FSTL4: variants seen among roughly 807,000 people sequenced by gnomAD.
The protein encoded by FSTL4 is follistatin-related protein 4.
A neutral mutation model predicts 78.2 loss-of-function variants in FSTL4; 28 were observed. The ratio of observed to expected loss-of-function variants is 0.36; its 90% CI spans 0.27 to 0.49. The LOEUF is 0.49. Among genes scored for constraint, FSTL4 ranks in the 20% least tolerant of loss-of-function variants. The pLI is 0.98. For synonymous variants in FSTL4, 422 were observed against 440.5 expected (o/e 0.96, Z 0.53); for missense variants, 922 against 1,084.9 (o/e 0.85, Z 2.11).
chr5:133,315,409 T>A (rs1005657247), intron 5 of FSTL4, among the ~76,000 whole-genome samples: 1 of 152,212 alleles, frequency 6.6e-6, no homozygotes. Context: ...TTATTAATCA[T>A]AGGTCAAGGG....
intron 3 of FSTL4, among the ~76,000 whole-genome samples, chr5:133,561,560 CCT>C (rs1339678101): frequency 6.6e-6 from 1 of 152,070 alleles, no homozygotes; most frequent in Non-Finnish European, 1.5e-5. Flanking sequence ...TGGAAGGCTA[CCT>C]GGAAGAGGCC....
Position 133,210,257 on chromosome 5 carries a change from G to T in FSTL4, c.1650C>A (p.Asp550Glu). 6.2e-7 allele frequency: 1 copy of T among 1,612,338 alleles called. No homozygotes were observed. Among genetic ancestry groups the T allele is most frequent in the Non-Finnish European group, 8.5e-7 (1 of 1,178,564 alleles). The change falls in exon 14 of 16, where the codon GAC (aspartate) becomes GAA (glutamate). Residue 550 changes from aspartate (D) to glutamate (E), a missense_variant. Transcript: ENST00000265342. Reference protein sequence around the residue: ...VDPLPAKLSYDKSHDQVWVLS... With the variant: ...VDPLPAKLSYEKSHDQVWVLS... The stretch of plus-strand genomic sequence containing the variant: ...GGACCCACACTTGGTCATGTGACTT[G>T]TCATAGGACAGCTTAGCCGGCAGAG...
the FSTL4 span, among the ~76,000 whole-genome samples, chr5:133,720,107 A>G: frequency 6.6e-6 from 1 of 152,212 alleles, no homozygotes; most frequent in African/African-American, 2.4e-5. Context: ...AAGAAATATC[A>G]TCTGTTAGAT....
At chr5:133,232,511 T>TA (rs1751521862) in intron 8 of FSTL4, among the ~76,000 whole-genome samples, 1 of 152,162 alleles carries the variant, frequency 6.6e-6, no homozygotes, top group Non-Finnish European at 1.5e-5. Flanking sequence ...TGGCTTGAGT[T>TA]ACACCAACAA....
intron 4 of FSTL4, among the ~76,000 whole-genome samples, chr5:133,334,378 G>T (rs911641367): frequency 6.6e-6 from 1 of 152,104 alleles, no homozygotes; most frequent in Non-Finnish European, 1.5e-5. Context: ...TGGCAGTGCT[G>T]GTGTTAGCCA....
intron 3 of FSTL4, among the ~76,000 whole-genome samples, chr5:133,530,382 C>T (rs1291132513): frequency 1.3e-5 from 2 of 152,224 alleles, no homozygotes; most frequent in African/African-American, 2.4e-5. Flanking sequence ...CAGGTGCCCA[C>T]CTCAGCACCT....
At chr5:133,731,155 T>C in the FSTL4 span, among the ~76,000 whole-genome samples, 2 of 151,964 alleles carry the variant, frequency 1.3e-5, no homozygotes, top group African/African-American at 4.8e-5. Context: ...TTGCCTGATA[T>C]CGGGGCCGAC....
At chr5:133,629,259 T>A in the FSTL4 span, among the ~76,000 whole-genome samples, 4 of 152,156 alleles carry the variant, frequency 2.6e-5, no homozygotes, top group African/African-American at 9.7e-5. Context: ...GTTCTGTTCA[T>A]GTGATGGATT....
the FSTL4 span, among the ~76,000 whole-genome samples, chr5:133,623,072 G>C: frequency 2.0e-5 from 3 of 150,878 alleles, no homozygotes; most frequent in Non-Finnish European, 4.4e-5. Flanking sequence ...TACAAGGTCT[G>C]AGACTTAGGA....
At chr5:133,275,064 C>A (rs1484710743) in intron 6 of FSTL4, among the ~76,000 whole-genome samples, 3 of 151,208 alleles carry the variant, frequency 2.0e-5, no homozygotes, top group African/African-American at 4.9e-5. Context: ...GAGTTTGAGA[C>A]CAGCCTGGCC....
chr5:133,486,221 G>A (rs1009447810), intron 3 of FSTL4, among the ~76,000 whole-genome samples: 7 of 151,988 alleles, frequency 4.6e-5, no homozygotes, highest in Admixed American at 6.6e-5. Flanking sequence ...GACACACTAC[G>A]AGAGTATCAG....
intron 6 of FSTL4, among the ~76,000 whole-genome samples, chr5:133,306,699 T>C (rs1753665862): frequency 6.6e-6 from 1 of 152,190 alleles, no homozygotes; most frequent in South Asian, 2.1e-4. Context: ...CACAGCTGCA[T>C]GTCTGGACTC....
intron 4 of FSTL4, among the ~76,000 whole-genome samples, chr5:133,390,387 TAGG>T (rs1755813914): frequency 6.6e-6 from 1 of 152,274 alleles, no homozygotes; most frequent in Non-Finnish European, 1.5e-5. Flanking sequence ...AAGAACTCTC[TAGG>T]AGATGTCCAA....
intron 3 of FSTL4, among the ~76,000 whole-genome samples, chr5:133,462,722 G>C (rs1757618262): frequency 6.6e-6 from 1 of 152,230 alleles, no homozygotes; most frequent in Admixed American, 6.5e-5. Context: ...CAGCTGGAAG[G>C]CTAAGCTGGC....
the FSTL4 span, among the ~76,000 whole-genome samples, chr5:133,838,186 C>T: frequency 6.6e-6 from 1 of 152,220 alleles, no homozygotes; most frequent in Admixed American, 6.5e-5. Flanking sequence ...CCGTGCCCAG[C>T]CAAGATTTTT....
the FSTL4 span, among the ~76,000 whole-genome samples, chr5:133,786,808 G>T: frequency 6.6e-6 from 1 of 152,212 alleles, no homozygotes; most frequent in Non-Finnish European, 1.5e-5. Flanking sequence ...AGTGGTGACT[G>T]CTCTATCCAG....
the FSTL4 span, among the ~76,000 whole-genome samples, chr5:133,749,272 A>C: frequency 1.3e-5 from 2 of 152,228 alleles, no homozygotes; most frequent in African/African-American, 4.8e-5. Context: ...GAGTTAAGGC[A>C]TGGGTACACT....
At chr5:133,558,236 C>T (rs1759831595) in intron 3 of FSTL4, among the ~76,000 whole-genome samples, 1 of 152,200 alleles carries the variant, frequency 6.6e-6, no homozygotes, top group African/African-American at 2.4e-5. Flanking sequence ...CTCTGAGAAT[C>T]GTATTCACCT....
At chr5:133,506,300 T>C (rs764104974) in intron 3 of FSTL4, among the ~76,000 whole-genome samples, 4 of 152,196 alleles carry the variant, frequency 2.6e-5, no homozygotes, top group South Asian at 4.1e-4. Context: ...GGGGATTTGT[T>C]TGACAAGCTG....
Sources: allele counts gnomAD v4.1 joint callset (sites outside exome capture counted in the v4.1 genomes callset), GRCh38; gene constraint gnomAD v4.1.1; transcripts MANE v1.5; gene names NCBI Gene and HGNC (gene_info 2026-07-23, HGNC 2026-07-21).